The following PTPRN2 variants were observed in gnomAD, a reference collection of about 807,000 sequenced individuals.
PTPRN2 encodes protein tyrosine phosphatase receptor type N2.
Under a neutral mutation model 118.8 loss-of-function variants are expected in PTPRN2, and 74 were observed. The ratio of observed to expected loss-of-function variants is 0.62; its 90% CI spans 0.52 to 0.76. The LOEUF is 0.76. Ranked by LOEUF, PTPRN2 falls within the 30% of genes least tolerant of loss-of-function variation. The pLI, the probability that PTPRN2 is intolerant of heterozygous loss-of-function variation, is 0.00. For synonymous variants in PTPRN2, 641 were observed against 608.0 expected, an observed-to-expected ratio of 1.05 and a Z score of -0.80; for missense variants, 1,481 against 1,394.4, an observed-to-expected ratio of 1.06 and a Z score of -0.99.
At chr7:158,486,983 A>G (rs1204767177) in intron 2 of PTPRN2, among the ~76,000 whole-genome samples, 1 of 152,148 alleles carries the variant, frequency 6.6e-6, no homozygotes, top group Non-Finnish European at 1.5e-5. Context: ...TGTCTCTATG[A>G]ACTTGACTAT....
intron 12 of PTPRN2, among the ~76,000 whole-genome samples, chr7:157,847,331 C>G (rs1294174015): frequency 6.8e-6 from 1 of 146,968 alleles, no homozygotes; most frequent in African/African-American, 2.6e-5. Flanking sequence ...GTTTACAGAG[C>G]CCTCTCTCAT....
chr7:157,858,144 G>GT (rs1335434148), intron 12 of PTPRN2, among the ~76,000 whole-genome samples: 10 of 17,018 alleles, frequency 5.9e-4, no homozygotes, highest in Non-Finnish European at 1.0e-3. Flanking sequence ...TGCAGGGAGA[G>GT]CCCCGTCACC....
intron 3 of PTPRN2, among the ~76,000 whole-genome samples, chr7:158,280,106 G>A (rs1379440789): frequency 2.0e-5 from 3 of 151,894 alleles, no homozygotes; most frequent in South Asian, 4.1e-4. Flanking sequence ...GTTTAAACTC[G>A]TCTAATGCTT....
At position 158,319,775 on chromosome 7, in the gene PTPRN2, TCCCTTGTACACAGC is replaced by T. The variant is rs1276433695; in HGVS notation, c.164-2857_164-2844del. 3.4e-4 allele frequency among the ~76,000 whole-genome samples: 7 copies of T among 20,726 alleles called. 3 individuals carry two copies. Among genetic ancestry groups the T allele is most frequent in the Non-Finnish European group, 4.3e-4 (5 of 11,570 alleles). The allele number at this position is 20,726 out of a possible 152,430, so 13.6% of individuals were successfully genotyped here. The stretch of plus-strand genomic sequence containing the variant: ...CACAGCCTCCCTCACACACACAGCC[TCCCTTGTACACAGC>T]CTCCCTCGTACACACACAGCCTCCC... On this transcript the variant is annotated intron_variant, in intron 2 of 22. Coordinates refer to ENST00000389418, the MANE Select transcript of PTPRN2 (RefSeq NM_002847.5).
chr7:158,148,422 G>A (rs1276369235), intron 6 of PTPRN2, among the ~76,000 whole-genome samples: 13 of 125,626 alleles, frequency 1.0e-4, no homozygotes, highest in African/African-American at 3.8e-4. Context: ...CACGCCACGT[G>A]TCTTTCCCCT....
At chr7:158,329,524 C>A (rs141762189) in intron 2 of PTPRN2, among the ~76,000 whole-genome samples, 3 of 152,162 alleles carry the variant, frequency 2.0e-5, no homozygotes, top group Non-Finnish European at 4.4e-5. Flanking sequence ...CATGAGGACA[C>A]GTGAGGAGGC....
intron 3 of PTPRN2, among the ~76,000 whole-genome samples, chr7:158,270,732 T>C (rs1343906796): frequency 6.7e-6 from 1 of 148,826 alleles, no homozygotes; most frequent in African/African-American, 2.5e-5. Context: ...CTGGGGTGCC[T>C]TCTCTACCTG....
chr7:158,410,351 C>T (rs1293260729), intron 2 of PTPRN2, among the ~76,000 whole-genome samples: 1 of 152,162 alleles, frequency 6.6e-6, no homozygotes, highest in African/African-American at 2.4e-5. Flanking sequence ...GGTCACGATG[C>T]CAGAGTCACC....
chr7:158,581,903 C>T lies in PTPRN2; in HGVS notation c.112+5655G>A, dbSNP rs1389105854. On this transcript the variant is annotated intron_variant, in intron 1 of 22. Transcript: ENST00000389418. The stretch of plus-strand genomic sequence containing the variant: ...GCAAAAGCCACCCACTTACCAGCCT[C>T]GTGATGTAGAGTGACAAACAAAAAA... Among the ~76,000 whole-genome samples, 4 of 152,218 alleles carry T rather than the reference C, an allele frequency of 2.6e-5. No individual in the cohort carries two copies. The East Asian group carries it at 5.8e-4, about 22-fold the overall frequency.
intron 10 of PTPRN2, among the ~76,000 whole-genome samples, chr7:158,087,588 C>T (rs900073735): frequency 1.4e-4 from 19 of 136,046 alleles, no homozygotes; most frequent in African/African-American, 5.0e-4. Flanking sequence ...CCTCCCCTGA[C>T]GAAGGAGGGA....
Position 157,779,405 on chromosome 7 carries a change from G to A in PTPRN2, c.1789-96468C>T, listed in dbSNP as rs1349062858. 6.6e-6 allele frequency among the ~76,000 whole-genome samples: 1 copy of A among 152,130 alleles called. No homozygotes were observed. The highest frequency in any genetic ancestry group is 1.5e-5 in the Non-Finnish European group (1 of 68,028). ...TGACCAAAGAAGACCGTGTTTCCTGGGACCCTGCAGGCTGCCAGAATGACC... is the reference window on the plus strand; with the variant it reads ...TGACCAAAGAAGACCGTGTTTCCTGAGACCCTGCAGGCTGCCAGAATGACC... On this transcript the variant is annotated intron_variant, in intron 12 of 22. Coordinates refer to ENST00000389418, the MANE Select transcript of PTPRN2 (RefSeq NM_002847.5). This position sits in a 1 kb window ranked among gnomAD's most constrained non-coding sequence, Gnocchi z 4.7.
intron 12 of PTPRN2, among the ~76,000 whole-genome samples, chr7:157,712,656 C>T (rs1011793253): frequency 2.6e-4 from 38 of 147,668 alleles, no homozygotes; most frequent in Admixed American, 2.1e-3. Context: ...GAGGCTGAGG[C>T]AGGAGAATTG....
chr7:158,534,147 G>A (rs1388078336), intron 1 of PTPRN2, among the ~76,000 whole-genome samples: 1 of 109,630 alleles, frequency 9.1e-6, no homozygotes, highest in Non-Finnish European at 2.0e-5. Flanking sequence ...GTGGGTGCAG[G>A]TTGTGACCAC....
chr7:157,563,697 C>T (rs1160338395), intron 21 of PTPRN2, among the ~76,000 whole-genome samples: 3 of 144,866 alleles, frequency 2.1e-5, no homozygotes, highest in Admixed American at 6.9e-5. Context: ...ATCAGGACCA[C>T]GTGCTCCCAC....
intron 11 of PTPRN2, chr7:158,027,879 C>T (rs964959801): frequency 2.0e-5 from 3 of 152,196 alleles, no homozygotes; most frequent in African/African-American, 7.2e-5. Context: ...GGAGGCAGCT[C>T]CCCCAAAACT....
At chr7:158,585,542 G>A (rs1828862166) in intron 1 of PTPRN2, among the ~76,000 whole-genome samples, 1 of 152,224 alleles carries the variant, frequency 6.6e-6, no homozygotes, top group Non-Finnish European at 1.5e-5. Context: ...CATGGCACCA[G>A]TTTTAATTAT....
chr7:158,110,718 G>T (rs906227317), intron 10 of PTPRN2, 111 bp downstream of exon 10: 2 of 998,012 alleles, frequency 2.0e-6, no homozygotes, highest in Non-Finnish European at 1.5e-6. Context: ...CTCTAAACAG[G>T]TTCCCTCATG....
chr7:157,859,765 C>T (rs528153578), intron 12 of PTPRN2, among the ~76,000 whole-genome samples: 3 of 115,868 alleles, frequency 2.6e-5, no homozygotes, highest in South Asian at 3.4e-4. Context: ...CACACTCCTG[C>T]AGGGAGAGCC....
chr7:158,283,284 T>G (rs1413781449), intron 3 of PTPRN2, among the ~76,000 whole-genome samples: 3 of 152,312 alleles, frequency 2.0e-5, no homozygotes, highest in African/African-American at 7.2e-5. Flanking sequence ...ACCGAGGCTG[T>G]GAGCCTCAGG....
Sources: allele counts gnomAD v4.1 joint callset (sites outside exome capture counted in the v4.1 genomes callset), GRCh38; gene constraint gnomAD v4.1.1; non-coding constraint Gnocchi (gnomAD v3.1); transcripts MANE v1.5; gene names NCBI Gene and HGNC (gene_info 2026-07-23, HGNC 2026-07-21).